NXPE2: variants seen among roughly 807,000 people sequenced by gnomAD.
NXPE2 encodes the protein NXPE family member 2.
A neutral mutation model predicts 34.4 loss-of-function variants in NXPE2; 34 were observed. The observed-to-expected ratio is 0.99, with a 90% CI of 0.75 to 1.31. The LOEUF (loss-of-function observed/expected upper bound fraction) is 1.31, where lower values mean the gene tolerates loss of function less well. NXPE2 is among the 40% of genes most tolerant of loss of function. The probability of loss-of-function intolerance (pLI) is 0.00; values close to 1 mark genes in which losing one functional copy is unlikely to be tolerated. For synonymous variants in NXPE2, 235 were observed against 231.3 expected (o/e 1.02, Z -0.15); for missense variants, 649 against 672.5 (o/e 0.97, Z 0.39).
intron 2 of NXPE2, among the ~76,000 whole-genome samples, chr11:114,685,795 C>G (rs183564733): frequency 4.6e-5 from 7 of 152,162 alleles, no homozygotes; most frequent in Non-Finnish European, 2.9e-5. Flanking sequence ...TAGCACAAAA[C>G]TTTTTGTTTT....
the NXPE2 span, among the ~76,000 whole-genome samples, chr11:114,646,026 A>AT: frequency 6.6e-6 from 1 of 152,054 alleles, no homozygotes; most frequent in Non-Finnish European, 1.5e-5. Context: ...AAATCTCTTG[A>AT]TTTTGCTAGG....
At chr11:114,556,699 AT>A in the NXPE2 span, among the ~76,000 whole-genome samples, 3 of 151,480 alleles carry the variant, frequency 2.0e-5, no homozygotes, top group African/African-American at 7.3e-5. Flanking sequence ...TTTAAAATGT[AT>A]TTTTTTCCAG....
the NXPE2 span, among the ~76,000 whole-genome samples, chr11:114,586,152 C>T: frequency 0.062 from 9,447 of 152,270 alleles, 368 homozygotes; most frequent in Non-Finnish European, 0.09. Context: ...TATAAAATCT[C>T]CTGCACTTCA....
the NXPE2 span, among the ~76,000 whole-genome samples, chr11:114,804,656 A>G: frequency 6.6e-6 from 1 of 152,212 alleles, no homozygotes; most frequent in Non-Finnish European, 1.5e-5. Context: ...TTTTGTCTAC[A>G]TAGTAGAATC....
At chr11:114,554,423 A>C in the NXPE2 span, 1 of 978,104 alleles carries the variant, frequency 1.0e-6, no homozygotes, top group African/African-American at 1.8e-5. Flanking sequence ...GTTCTTAAAC[A>C]TTCTTTGTGA....
At chr11:114,795,611 C>G in the NXPE2 span, among the ~76,000 whole-genome samples, 57 of 152,274 alleles carry the variant, frequency 3.7e-4, no homozygotes, top group African/African-American at 1.3e-3. Context: ...GAGACTCCAC[C>G]CTGCCAGGAC....
At chr11:114,600,715 A>C in the NXPE2 span, among the ~76,000 whole-genome samples, 5 of 152,044 alleles carry the variant, frequency 3.3e-5, no homozygotes, top group African/African-American at 1.2e-4. Flanking sequence ...AGTAAAATCC[A>C]AAAAAAGTCT....
At chr11:114,500,051 T>C in the NXPE2 span, among the ~76,000 whole-genome samples, 1 of 152,104 alleles carries the variant, frequency 6.6e-6, no homozygotes, top group Non-Finnish European at 1.5e-5. Context: ...TTTCCAGTTT[T>C]TTGGCTATTA....
the NXPE2 span, among the ~76,000 whole-genome samples, chr11:114,591,204 A>G: frequency 6.6e-6 from 1 of 152,240 alleles, no homozygotes; most frequent in South Asian, 2.1e-4. Context: ...GTGCTCAACT[A>G]GCTGAACTGA....
chr11:114,492,541 CTTTT>C, the NXPE2 span, among the ~76,000 whole-genome samples: 3 of 141,424 alleles, frequency 2.1e-5, no homozygotes, highest in Non-Finnish European at 3.1e-5. Context: ...GTTTCTTTTT[CTTTT>C]TTTTTTTTTT....
the NXPE2 span, among the ~76,000 whole-genome samples, chr11:114,611,955 T>C: frequency 6.6e-6 from 1 of 151,990 alleles, no homozygotes; most frequent in South Asian, 2.1e-4. Flanking sequence ...ACCTGGTAGA[T>C]AATAAGTATT....
At chr11:114,590,782 G>T in the NXPE2 span, among the ~76,000 whole-genome samples, 2 of 152,208 alleles carry the variant, frequency 1.3e-5, no homozygotes, top group Non-Finnish European at 2.9e-5. Context: ...GGCCCTACTG[G>T]TACTGGAGGT....
chr11:114,765,813 A>G, the NXPE2 span, among the ~76,000 whole-genome samples: 1 of 152,158 alleles, frequency 6.6e-6, no homozygotes, highest in Non-Finnish European at 1.5e-5. Flanking sequence ...GGATTCTCCA[A>G]GGACTTTTCT....
At chr11:114,531,912 G>T in the NXPE2 span, among the ~76,000 whole-genome samples, 1 of 152,080 alleles carries the variant, frequency 6.6e-6, no homozygotes, top group African/African-American at 2.4e-5. Context: ...AGAAACACCG[G>T]CCAAGCTTTT....
At chr11:114,621,508 T>C in the NXPE2 span, among the ~76,000 whole-genome samples, 1 of 152,240 alleles carries the variant, frequency 6.6e-6, no homozygotes, top group East Asian at 1.9e-4. Flanking sequence ...GGAAAATAAG[T>C]ATTGCCTCGT....
At chr11:114,583,604 G>A in the NXPE2 span, 213 of 595,146 alleles carry the variant, frequency 3.6e-4, 1 homozygote, top group African/African-American at 3.6e-3. Context: ...TGGTGGCTCT[G>A]TGGCAAGTGC....
At chr11:114,762,838 G>A in the NXPE2 span, among the ~76,000 whole-genome samples, 48,371 of 151,978 alleles carry the variant, frequency 0.32, 8,471 homozygotes, top group East Asian at 0.43. Flanking sequence ...AAACCCCACT[G>A]TCATTTGAGG....
At chr11:114,731,175 C>A in the NXPE2 span, among the ~76,000 whole-genome samples, 21 of 151,854 alleles carry the variant, frequency 1.4e-4, no homozygotes, top group African/African-American at 5.1e-4. Context: ...GTTTTAAATT[C>A]TGTCCAACAT....
At chr11:114,750,960 T>C in the NXPE2 span, among the ~76,000 whole-genome samples, 2 of 151,980 alleles carry the variant, frequency 1.3e-5, no homozygotes, top group Non-Finnish European at 2.9e-5. Context: ...CTTGATGGCA[T>C]TTTATGTCCT....
Sources: gnomAD v4.1 joint callset for allele counts (sites outside exome capture counted in the v4.1 genomes callset) on GRCh38, gnomAD v4.1.1 for gene constraint, MANE v1.5 for transcripts, NCBI Gene and HGNC (gene_info 2026-07-23, HGNC 2026-07-21) for gene names.